SCAI: variants seen among roughly 807,000 people sequenced by gnomAD.
SCAI encodes the protein protein SCAI.
A neutral mutation model predicts 92.2 loss-of-function variants in SCAI; 24 were observed. The observed-to-expected ratio is 0.26, with a 90% confidence interval of 0.19 to 0.37. The LOEUF is 0.37. SCAI is among the 10% of genes least tolerant of loss of function. The pLI is 1.00. For synonymous variants in SCAI, 261 were observed against 258.6 expected, an observed-to-expected ratio of 1.01 and a Z score of -0.09; for missense variants, 450 against 736.2, an observed-to-expected ratio of 0.61 and a Z score of 4.50.
chr9:124,996,106 T>C (rs1832233642), intron 13 of SCAI, among the ~76,000 whole-genome samples: 1 of 151,630 alleles, frequency 6.6e-6, no homozygotes, highest in South Asian at 2.1e-4. Flanking sequence ...ATTCAAGGTA[T>C]ACAATGTGAT....
chr9:125,078,551 A>C lies in SCAI; in HGVS notation c.99-22544T>G, dbSNP rs1374968755. Among the ~76,000 whole-genome samples, 6 of 152,186 alleles carry C rather than the reference A, an allele frequency of 3.9e-5. No homozygotes were observed. In the East Asian group the frequency reaches 1.2e-3, roughly 29 times the overall value. On this transcript the variant is annotated intron_variant, in intron 2 of 17. Coordinates refer to ENST00000336505, the MANE Select transcript of SCAI (RefSeq NM_001144877.3). Reference sequence around the variant, plus strand: ...CTCAAAAAAAGCCAACATTACCCACAAACACTTAAAGACAGTAGTCTGCTG... The same window carrying C: ...CTCAAAAAAAGCCAACATTACCCACCAACACTTAAAGACAGTAGTCTGCTG...
Position 124,964,923 on chromosome 9 carries a change from T to A in SCAI, c.1674+6447A>T, listed in dbSNP as rs550922070. On this transcript the variant is annotated intron_variant, in intron 17 of 17. Transcript: ENST00000336505. ...TAAACCCAAGTGCATTTGCACAAAA[T>A]AACAGAGTTGTCTATCCCTTCCTGT... is the stretch of plus-strand genomic sequence containing the variant. Among the ~76,000 whole-genome samples the A allele has an allele frequency of 8.5e-5, 13 of 152,052 alleles. No homozygotes were observed. In the South Asian group the frequency reaches 2.7e-3, roughly 32 times the overall value.
rs550577957 is a variant in SCAI, at chr9:124,947,974, C to T, written c.*4833G>A. ...GTATATCAGGCTGATTACAAGTCTC[C>T]ATAAATAAAATTTTTCAGCTGGGTC... On this transcript the variant is annotated 3_prime_UTR_variant, in exon 18 of 18. Coordinates refer to ENST00000336505, the MANE Select transcript of SCAI (RefSeq NM_001144877.3). 6.6e-6 allele frequency: 1 copy of T among 152,268 alleles called. No individual in the cohort carries two copies. The highest frequency in any genetic ancestry group is 1.9e-4 in the East Asian group (1 of 5,186). 9.4% of individuals were successfully genotyped at this position (152,268 alleles called of 1,614,324 possible). A position where few individuals can be genotyped will look rare whatever the true frequency, so the allele number is the denominator to read the frequency against.
chr9:125,079,922 T>C (rs1435500594), intron 2 of SCAI, among the ~76,000 whole-genome samples: 1 of 152,172 alleles, frequency 6.6e-6, no homozygotes. Context: ...ACAAAGCACA[T>C]GAATTACTCC....
intron 14 of SCAI, among the ~76,000 whole-genome samples, chr9:124,994,390 T>C (rs1044219578): frequency 6.6e-6 from 1 of 152,190 alleles, no homozygotes; most frequent in African/African-American, 2.4e-5. Context: ...TAGTGAAATA[T>C]AAAACGAAGG....
chr9:124,976,546 T>C (rs1385824915), intron 14 of SCAI, among the ~76,000 whole-genome samples: 2 of 152,238 alleles, frequency 1.3e-5, no homozygotes, highest in African/African-American at 4.8e-5. Context: ...ATCCAGGATC[T>C]GGCTTTCAGC....
chr9:125,119,289 C>T (rs1006460871), intron 2 of SCAI, among the ~76,000 whole-genome samples: 4 of 152,168 alleles, frequency 2.6e-5, no homozygotes, highest in South Asian at 2.1e-4. Flanking sequence ...ACTGCCTTCA[C>T]GGTCACACAT....
chr9:124,995,231 C>T (rs1271808051), intron 13 of SCAI, among the ~76,000 whole-genome samples: 1 of 151,752 alleles, frequency 6.6e-6, no homozygotes, highest in Non-Finnish European at 1.5e-5. Flanking sequence ...AATTGTTATT[C>T]AAGAATATCT....
rs182987567 is a variant in SCAI, at chr9:125,025,920, T to C, written c.512+892A>G. On this transcript the variant is annotated intron_variant, in intron 6 of 17. Transcript: ENST00000336505. ...CTAAGAGAATATAATCTTTTCACCATATAAAAACTGTGAGTTGTGTTGCTG... is the reference window on the plus strand; with the variant it reads ...CTAAGAGAATATAATCTTTTCACCACATAAAAACTGTGAGTTGTGTTGCTG... Among the ~76,000 whole-genome samples, 66 of 152,336 alleles carry C rather than the reference T, an allele frequency of 4.3e-4. No homozygotes were observed. In the Middle Eastern group the frequency reaches 0.01, roughly 24 times the overall value.
intron 2 of SCAI, among the ~76,000 whole-genome samples, chr9:125,115,328 C>T (rs1047924008): frequency 9.1e-5 from 13 of 143,602 alleles, no homozygotes; most frequent in Non-Finnish European, 1.5e-4. Context: ...GCCCAGATCG[C>T]GCCATTGCAC....
intron 14 of SCAI, among the ~76,000 whole-genome samples, chr9:124,980,484 T>A (rs937782803): frequency 1.3e-5 from 2 of 152,296 alleles, no homozygotes; most frequent in Admixed American, 1.3e-4. Flanking sequence ...TCGCTGTCCC[T>A]AGAATGTGCA....
chr9:124,992,076 C>T lies in SCAI; in HGVS notation c.1326+2858G>A, dbSNP rs535921788. Among the ~76,000 whole-genome samples the T allele has an allele frequency of 3.9e-5, 6 of 152,174 alleles. No individual in the cohort carries two copies. In the East Asian group the frequency reaches 9.7e-4, roughly 25 times the overall value. On this transcript the variant is annotated intron_variant, in intron 14 of 17. Coordinates refer to ENST00000336505, the MANE Select transcript of SCAI (RefSeq NM_001144877.3). ...GGACTACAGGCTCACAAAAACATGC[C>T]TGGCTAATTTTTAAATTTTTAAAAT...
intron 14 of SCAI, among the ~76,000 whole-genome samples, chr9:124,976,455 G>A (rs1023434114): frequency 1.3e-5 from 2 of 152,128 alleles, no homozygotes; most frequent in African/African-American, 4.8e-5. Flanking sequence ...AGTTTTGCAC[G>A]GAGAAGTCAT....
intron 3 of SCAI, among the ~76,000 whole-genome samples, chr9:125,047,937 T>C (rs1220236361): frequency 6.6e-6 from 1 of 152,182 alleles, no homozygotes; most frequent in East Asian, 1.9e-4. Context: ...TAAAATAACA[T>C]TTGTGGCTTA....
At position 124,990,849 on chromosome 9, in the gene SCAI, CTGAG is replaced by C. The variant is rs368072761; in HGVS notation, c.1326+4081_1326+4084del. Among the ~76,000 whole-genome samples, 272 of 152,194 alleles carry C rather than the reference CTGAG, an allele frequency of 1.8e-3. 1 individual carries two copies. The highest frequency in any genetic ancestry group is 6.3e-3 in the African/African-American group (260 of 41,558). Reference sequence around the variant, plus strand: ...TTTAGTAGCAAATCTGGAGGGATTTCTGAGTGAGTAGTTCTCTCACCAGGACAGC... The same window carrying C: ...TTTAGTAGCAAATCTGGAGGGATTTCTGAGTAGTTCTCTCACCAGGACAGC... On this transcript the variant is annotated intron_variant, in intron 14 of 17. Transcript: ENST00000336505.
At chr9:125,058,665 A>G (rs1424951556) in intron 2 of SCAI, among the ~76,000 whole-genome samples, 4 of 152,132 alleles carry the variant, frequency 2.6e-5, no homozygotes, top group Non-Finnish European at 5.9e-5. Context: ...AGCAGTGATC[A>G]TCTTCCCTCC....
intron 9 of SCAI, among the ~76,000 whole-genome samples, chr9:125,010,855 C>G (rs1481436740): frequency 6.6e-6 from 1 of 152,204 alleles, no homozygotes; most frequent in Non-Finnish European, 1.5e-5. Context: ...GAACATCAGA[C>G]AGCAGCATTC....
At chr9:125,057,733 C>A (rs1484235548) in intron 2 of SCAI, among the ~76,000 whole-genome samples, 1 of 152,190 alleles carries the variant, frequency 6.6e-6, no homozygotes, top group Non-Finnish European at 1.5e-5. Context: ...GGAGCCTGAG[C>A]ACCTCCACAT....
At chr9:125,001,815 C>T in intron 12 of SCAI, 150 bp downstream of exon 12, 1 of 562,718 alleles carries the variant, frequency 1.8e-6, no homozygotes, top group Non-Finnish European at 3.2e-6. Flanking sequence ...GGGGTATCTA[C>T]AAAATTATCA....
Sources: allele counts gnomAD v4.1 joint callset (sites outside exome capture counted in the v4.1 genomes callset), GRCh38; gene constraint gnomAD v4.1.1; transcripts MANE v1.5; gene names NCBI Gene and HGNC (gene_info 2026-07-23, HGNC 2026-07-21).